Variants in LRRC7 observed in about 807,000 individuals in gnomAD.
The protein encoded by LRRC7 is leucine rich repeat containing 7, also known as leucine-rich repeat-containing protein 7.
LRRC7 carries 23 observed loss-of-function variants against 175.7 expected under a neutral mutation model. The observed-to-expected ratio is 0.13, with a 90% CI of 0.09 to 0.19. The LOEUF (loss-of-function observed/expected upper bound fraction) is 0.19. Among genes scored for constraint, LRRC7 ranks in the 10% least tolerant of loss-of-function variants. The pLI is 1.00. For missense variants in LRRC7, 1,354 were observed against 1,904.7 expected, an observed-to-expected ratio of 0.71 and a Z score of 5.38; for synonymous variants, 685 against 680.9, an observed-to-expected ratio of 1.01 and a Z score of -0.09.
chr1:70,069,433 A>C (rs564120167), intron 23 of LRRC7, among the ~76,000 whole-genome samples: 58 of 152,270 alleles, frequency 3.8e-4, no homozygotes, highest in Non-Finnish European at 1.6e-4. Context: ...CGCCCTTGAC[A>C]TGTGGGGATT....
At chr1:69,919,868 G>T in intron 7 of LRRC7, 1 of 663,392 alleles carries the variant, frequency 1.5e-6, no homozygotes. Flanking sequence ...CTGGCCTCGG[G>T]GTTCCCCCGC....
rs1404437803 is a variant in LRRC7 at position 69,938,090 on chromosome 1, G to A, written c.711+6520G>A. On this transcript the variant is annotated intron_variant, in intron 8 of 26. Transcript: ENST00000651989. ...AATGATAGCAGCAAAAATATTTAAA[G>A]AGCAAGAAAAGTTATTCTATGTGAA... Among the ~76,000 whole-genome samples the A allele has an allele frequency of 2.0e-5, 3 of 151,892 alleles. No individual in the cohort carries two copies. The East Asian group carries it at 5.8e-4, about 29-fold the overall frequency.
chr1:69,859,968 A>G (rs1436181686), intron 7 of LRRC7, among the ~76,000 whole-genome samples: 3 of 152,024 alleles, frequency 2.0e-5, no homozygotes, highest in Non-Finnish European at 2.9e-5. Flanking sequence ...GAATATCTCT[A>G]TTTCTACTAC....
At chr1:69,790,192 C>G (rs1674948550) in intron 3 of LRRC7, among the ~76,000 whole-genome samples, 1 of 151,982 alleles carries the variant, frequency 6.6e-6, no homozygotes, top group Non-Finnish European at 1.5e-5. Flanking sequence ...GGCAAGGAAA[C>G]TGATGAGTTC....
intron 7 of LRRC7, among the ~76,000 whole-genome samples, chr1:69,854,903 G>T (rs192551795): frequency 9.2e-5 from 14 of 152,118 alleles, no homozygotes; most frequent in East Asian, 3.9e-4. Flanking sequence ...ATGGCGAAGT[G>T]GGGGGGACCT....
intron 7 of LRRC7, among the ~76,000 whole-genome samples, chr1:69,884,866 G>A (rs992670463): frequency 1.3e-4 from 18 of 142,756 alleles, no homozygotes; most frequent in African/African-American, 4.9e-4. Flanking sequence ...TGCATCTATT[G>A]AGATAATCAT....
Position 69,678,373 on chromosome 1 carries a change from T to C in LRRC7, c.3-8T>C, listed in dbSNP as rs72938954. On this transcript the variant is annotated splice_polypyrimidine_tract_variant and splice_region_variant and intron_variant, in intron 1 of 26. Coordinates refer to ENST00000651989, the MANE Select transcript of LRRC7 (RefSeq NM_001370785.2). ...GTATGAAAATACTCTTCTGATTCTC[T>C]CTTATAGGATGGAGAACCTAATAAG... The C allele has an allele frequency of 0.097, 151,001 of 1,553,936 alleles. 7,923 individuals carry two copies. Among genetic ancestry groups the C allele is most frequent in the African/African-American group, 0.13 (9,781 of 73,552 alleles).
At chr1:69,573,415 A>G (rs1390625437) in intron 1 of LRRC7, among the ~76,000 whole-genome samples, 2 of 152,156 alleles carry the variant, frequency 1.3e-5, no homozygotes, top group African/African-American at 4.8e-5. Flanking sequence ...AATACACCCT[A>G]TTATTTTTGG....
At chr1:69,670,950 C>T (rs999493502) in intron 1 of LRRC7, among the ~76,000 whole-genome samples, 3 of 152,164 alleles carry the variant, frequency 2.0e-5, no homozygotes, top group Admixed American at 6.5e-5. Context: ...AAATGTCATG[C>T]AGGAGTCGAG....
At chr1:70,032,942 TTC>T (rs1042599707) in intron 18 of LRRC7, among the ~76,000 whole-genome samples, 2 of 152,198 alleles carry the variant, frequency 1.3e-5, no homozygotes, top group African/African-American at 4.8e-5. Flanking sequence ...CCCCACTAAA[TTC>T]TGTTTTCTAC....
intron 7 of LRRC7, among the ~76,000 whole-genome samples, chr1:69,857,282 A>G (rs1473932500): frequency 6.6e-6 from 1 of 152,112 alleles, no homozygotes; most frequent in East Asian, 1.9e-4. Context: ...GGCAGGAGAA[A>G]GAAATAAAGG....
Position 70,136,169 on chromosome 1 carries a change from C to A in LRRC7, c.*14282C>A, listed in dbSNP as rs1571406178. The stretch of plus-strand genomic sequence containing the variant: ...TTTCCCAAAAAATGATAGTTACTAT[C>A]CCTGTCACCTAGGGCCCTAGGTCAT... On this transcript the variant is annotated 3_prime_UTR_variant, in exon 27 of 27. Coordinates refer to ENST00000651989, the MANE Select transcript of LRRC7 (RefSeq NM_001370785.2). 6.6e-6 allele frequency among the ~76,000 whole-genome samples: 1 copy of A among 150,512 alleles called. No homozygotes were observed. The highest frequency in any genetic ancestry group is 1.5e-5 in the Non-Finnish European group (1 of 67,750).
At position 70,016,513 on chromosome 1, in the gene LRRC7, T is replaced by A. The variant is rs755384495; in HGVS notation, c.1299T>A (p.Ala433=). ...TTACCAAACTTAAAGAGCTTGCAGCTTTGTGGCTTTCTGACAATCAGGTAA... is the reference window on the plus strand; with the variant it reads ...TTACCAAACTTAAAGAGCTTGCAGCATTGTGGCTTTCTGACAATCAGGTAA... The part of the protein sequence containing the change: ...FSFTKLKELA[A]LWLSDNQSKA... The change falls in exon 14 of 27, where the codon GCT becomes GCA. Residue 433 remains alanine, a synonymous_variant. Coordinates refer to ENST00000651989, the MANE Select transcript of LRRC7 (RefSeq NM_001370785.2). 1.9e-6 allele frequency: 3 copies of A among 1,583,038 alleles called. No homozygotes were observed. The Admixed American group carries it at 5.5e-5, about 29-fold the overall frequency.
intron 1 of LRRC7, among the ~76,000 whole-genome samples, chr1:69,577,757 A>T (rs1435929384): frequency 1.3e-5 from 2 of 151,892 alleles, no homozygotes; most frequent in African/African-American, 4.8e-5. Flanking sequence ...TTTGGTACCA[A>T]TGCCATGCTG....
intron 2 of LRRC7, among the ~76,000 whole-genome samples, chr1:69,695,468 G>C (rs933646424): frequency 6.6e-5 from 10 of 152,206 alleles, no homozygotes; most frequent in African/African-American, 1.7e-4. Flanking sequence ...ATGTGATAGA[G>C]AAGGAAAGGT....
At chr1:69,912,974 G>A (rs1021016526) in intron 7 of LRRC7, among the ~76,000 whole-genome samples, 3 of 151,546 alleles carry the variant, frequency 2.0e-5, no homozygotes, top group African/African-American at 7.3e-5. Context: ...TTTTCGTATT[G>A]TGCATTAAAC....
At chr1:69,989,104 C>A (rs1192713981) in intron 10 of LRRC7, among the ~76,000 whole-genome samples, 1 of 152,028 alleles carries the variant, frequency 6.6e-6, no homozygotes, top group Non-Finnish European at 1.5e-5. Flanking sequence ...AAAGAGGAAT[C>A]TTTTATATTT....
chr1:69,672,782 A>G (rs12025135), intron 1 of LRRC7, among the ~76,000 whole-genome samples: 31,891 of 152,034 alleles, frequency 0.21, 3,512 homozygotes, highest in South Asian at 0.29. Flanking sequence ...AGATTAGTCC[A>G]AACATATTCC....
intron 2 of LRRC7, among the ~76,000 whole-genome samples, chr1:69,687,291 C>T (rs1166931279): frequency 6.6e-6 from 1 of 151,766 alleles, no homozygotes; most frequent in Non-Finnish European, 1.5e-5. Flanking sequence ...AGTGAATCAC[C>T]AGAGGTCGGG....
Sources: allele counts gnomAD v4.1 joint callset (sites outside exome capture counted in the v4.1 genomes callset), GRCh38; gene constraint gnomAD v4.1.1; transcripts MANE v1.5; gene names NCBI Gene and HGNC (gene_info 2026-07-23, HGNC 2026-07-21).